Variants in POLRMT observed in about 807,000 individuals in gnomAD.
POLRMT encodes RNA polymerase mitochondrial.
In POLRMT, 114 loss-of-function variants were observed where a neutral mutation model predicts 132.2. The ratio of observed to expected loss-of-function variants is 0.86; its 90% CI spans 0.74 to 1.01. The LOEUF (loss-of-function observed/expected upper bound fraction) is 1.01. POLRMT is among the 50% of genes least tolerant of loss of function. The pLI, the probability that POLRMT is intolerant of heterozygous loss-of-function variation, is 0.00. For missense variants in POLRMT, 2,003 were observed against 1,729.1 expected (o/e 1.16, Z -2.81); for synonymous variants, 1,020 against 773.4 (o/e 1.32, Z -5.29).
intron 10 of POLRMT, 121 bp from the exon 11 acceptor site, chr19:620,608 G>A (rs1984451413): frequency 3.2e-6 from 4 of 1,256,892 alleles, no homozygotes; most frequent in African/African-American, 1.5e-5. Context: ...AGTGAACACG[G>A]GACGCATGTG....
chr19:624,069 T>C (rs187896976), intron 5 of POLRMT, among the ~76,000 whole-genome samples: 6 of 152,284 alleles, frequency 3.9e-5, no homozygotes, highest in Middle Eastern at 3.4e-3. Context: ...AGTCGATAAG[T>C]AGAAACAGCC....
At chr19:620,936 G>A in intron 10 of POLRMT, 122 bp downstream of exon 10, 3 of 336,928 alleles carry the variant, frequency 8.9e-6, no homozygotes, top group Non-Finnish European at 1.4e-5. Flanking sequence ...GGGCGCCAGG[G>A]GAGGGGGAGG....
chr19:620,491 CG>C lies in POLRMT; in HGVS notation c.2641-5del. The stretch of plus-strand genomic sequence containing the variant: ...CGCCCATCCACCACTTTCGGCCCTG[CG>C]GGGACAGCGGATGGGGGGCAGTGAG... On this transcript the variant is annotated splice_polypyrimidine_tract_variant and splice_region_variant and intron_variant, in intron 10 of 20. Transcript: ENST00000588649. The C allele has an allele frequency of 6.4e-7, 1 of 1,572,468 alleles. No individual in the cohort carries two copies. Among genetic ancestry groups the C allele is most frequent in the Non-Finnish European group, 8.6e-7 (1 of 1,157,684 alleles).
chr19:624,499 G>A (rs916345356), intron 5 of POLRMT, among the ~76,000 whole-genome samples: 2 of 152,000 alleles, frequency 1.3e-5, no homozygotes, highest in African/African-American at 4.8e-5. Flanking sequence ...CTCTCTCTGC[G>A]GCCCCCGACC....
intron 3 of POLRMT, 145 bp from the exon 4 acceptor site, chr19:625,399 G>T: frequency 9.3e-7 from 1 of 1,074,558 alleles, no homozygotes; most frequent in Non-Finnish European, 1.3e-6. Context: ...GCAGACCGAT[G>T]CATCCCCCTG....
In POLRMT at chr19:622,644, G is replaced by C. The variant is rs1266430124; in HGVS notation, c.1564C>G (p.Gln522Glu). 2 of 1,607,298 alleles carry C rather than the reference G, an allele frequency of 1.2e-6. No individual in the cohort carries two copies. Among genetic ancestry groups the C allele is most frequent in the Admixed American group, 3.4e-5 (2 of 59,638 alleles). The change falls in exon 8 of 21, where the codon CAG becomes GAG. Residue 522 changes from glutamine (Q) to glutamate (E), a missense_variant. By Grantham distance (29) the Gln-to-Glu change is conservative. Coordinates refer to ENST00000588649, the MANE Select transcript of POLRMT (RefSeq NM_005035.4). ...HVVQRQRVSG[Q>E]VQALQNHYRK... is the part of the protein sequence containing the mutation. The stretch of plus-strand genomic sequence containing the variant: ...TAGTGGTTCTGCAGCGCCTGCACCT[G>C]GCCACTGACCCGCTGCCTCTGCACC...
chr19:619,917 C>T, intron 12 of POLRMT, 41 bp downstream of exon 12: 9 of 1,598,672 alleles, frequency 5.6e-6, no homozygotes, highest in South Asian at 1.1e-5. Flanking sequence ...CTCACATTGC[C>T]CCCACGCCGA....
chr19:629,678 G>A lies in POLRMT; in HGVS notation c.684C>T (p.Ala228=), dbSNP rs143032914. 4.4e-6 allele frequency: 7 copies of A among 1,609,190 alleles called. No individual in the cohort carries two copies. Among genetic ancestry groups the A allele is most frequent in the African/African-American group, 1.3e-5 (1 of 74,802 alleles). ...QLSGQQQRLL[A]FFKCCLLTDQ... The stretch of plus-strand genomic sequence containing the variant: ...CAGTGAGCAGGCAGCACTTGAAGAA[G>A]GCCAGGAGCCTCTGCTGCTGACCTG... Residue 228 remains alanine (A), a synonymous_variant, in exon 3 of 21, where the codon GCC becomes GCT. Transcript: ENST00000588649.
chr19:627,507 T>C (rs776408568), intron 3 of POLRMT, among the ~76,000 whole-genome samples: 4 of 151,946 alleles, frequency 2.6e-5, no homozygotes, highest in South Asian at 4.2e-4. Flanking sequence ...TGGCCACACA[T>C]AGTCCTTAAA....
intron 5 of POLRMT, among the ~76,000 whole-genome samples, chr19:623,999 A>G (rs192288714): frequency 1.7e-3 from 262 of 152,386 alleles, no homozygotes; most frequent in African/African-American, 5.9e-3. Flanking sequence ...CGCTTTGAGA[A>G]TCAAAGACGC....
In POLRMT at chr19:620,218, G is replaced by A. The variant is rs1019395885; in HGVS notation, c.2764-138C>T. The A allele has an allele frequency of 2.9e-5, 43 of 1,458,234 alleles. No homozygotes were observed. In the Admixed American group the frequency reaches 5.0e-4, roughly 17 times the overall value. The allele number at this position is 1,458,234 out of a possible 1,614,324, so 90.3% of individuals were successfully genotyped here. A position where few individuals can be genotyped will look rare whatever the true frequency, so the allele number is the denominator to read the frequency against. The stretch of plus-strand genomic sequence containing the variant: ...TGCACCGGAGCCCCCGCACGCTCCC[G>A]GGAGAGACCAGGAGCCATGGCTCCC... On this transcript the variant is annotated intron_variant, in intron 11 of 20. Coordinates refer to ENST00000588649, the MANE Select transcript of POLRMT (RefSeq NM_005035.4).
At chr19:625,458 C>G in intron 3 of POLRMT, 1 of 596,550 alleles carries the variant, frequency 1.7e-6, no homozygotes, top group Non-Finnish European at 2.8e-6. Flanking sequence ...CATGGCCCGC[C>G]AGGTGGGACT....
intron 3 of POLRMT, among the ~76,000 whole-genome samples, chr19:628,772 A>G (rs1336528962): frequency 6.6e-6 from 1 of 152,106 alleles, no homozygotes; most frequent in African/African-American, 2.4e-5. Context: ...CGGGAGGCTC[A>G]GGGGGGCAGA....
intron 19 of POLRMT, 34 bp from the exon 20 acceptor site, chr19:617,514 G>A (rs758324449): frequency 2.3e-5 from 35 of 1,531,814 alleles, no homozygotes; most frequent in Non-Finnish European, 2.9e-5. Context: ...TGAGGCTGAG[G>A]CCAGGTTTTG....
chr19:619,790 G>A (rs774490787), intron 12 of POLRMT, 25 bp from the exon 13 acceptor site: 42 of 1,552,616 alleles, frequency 2.7e-5, no homozygotes, highest in African/African-American at 6.8e-5. Context: ...GGCCGGGGGC[G>A]CGGGTCAGCC....
intron 4 of POLRMT, 42 bp from the exon 5 acceptor site, chr19:624,947 C>T (rs768527837): frequency 1.7e-5 from 27 of 1,571,934 alleles, no homozygotes; most frequent in Middle Eastern, 3.4e-4. Flanking sequence ...GCCAGCCCCA[C>T]GCTGGGCTTC....
At chr19:628,937 G>C (rs1021959589) in intron 3 of POLRMT, among the ~76,000 whole-genome samples, 1 of 152,110 alleles carries the variant, frequency 6.6e-6, no homozygotes, top group African/African-American at 2.4e-5. Context: ...CTGGGAGGTG[G>C]AGGTGGCCAT....
intron 3 of POLRMT, among the ~76,000 whole-genome samples, chr19:625,873 T>C (rs1984984478): frequency 6.6e-6 from 1 of 151,936 alleles, no homozygotes; most frequent in South Asian, 2.1e-4. Context: ...AGCTAATTTT[T>C]TGTATTCTTA....
In POLRMT at chr19:620,501, G is replaced by T; in HGVS notation, c.2641-14C>A. 6.4e-7 allele frequency: 1 copy of T among 1,561,868 alleles called. No homozygotes were observed. Among genetic ancestry groups the T allele is most frequent in the Non-Finnish European group, 8.7e-7 (1 of 1,152,304 alleles). ...CCACTTTCGGCCCTGCGGGGACAGC[G>T]GATGGGGGGCAGTGAGGCCCGGGCC... On this transcript the variant is annotated splice_polypyrimidine_tract_variant and intron_variant, in intron 10 of 20. Transcript: ENST00000588649.
Sources: allele counts gnomAD v4.1 joint callset (sites outside exome capture counted in the v4.1 genomes callset), GRCh38; gene constraint gnomAD v4.1.1; transcripts MANE v1.5; gene names NCBI Gene and HGNC (gene_info 2026-07-23, HGNC 2026-07-21).